RFX6: variants seen among roughly 807,000 people sequenced by gnomAD.
RFX6 encodes the protein regulatory factor X6, also known as DNA-binding protein RFX6.
In RFX6, 50 loss-of-function variants were observed where a neutral mutation model predicts 110.8. The observed-to-expected ratio is 0.45, with a 90% CI of 0.36 to 0.57. The LOEUF is 0.57. Among genes scored for constraint, RFX6 ranks in the 20% least tolerant of loss-of-function variants. The pLI is 0.00. For missense variants in RFX6, 990 were observed against 1,127.0 expected, an observed-to-expected ratio of 0.88 and a Z score of 1.74; for synonymous variants, 383 against 411.2, an observed-to-expected ratio of 0.93 and a Z score of 0.83.
intron 2 of RFX6, 54 bp from the exon 3 acceptor site, chr6:116,880,490 G>A: frequency 1.3e-6 from 2 of 1,550,498 alleles, no homozygotes; most frequent in Non-Finnish European, 1.8e-6. Flanking sequence ...CAATGAGAAA[G>A]TTGAAGGAAA....
intron 6 of RFX6, among the ~76,000 whole-genome samples, chr6:116,904,110 T>A (rs1373316061): frequency 6.6e-6 from 1 of 152,082 alleles, no homozygotes; most frequent in Non-Finnish European, 1.5e-5. Context: ...AAATCATGTC[T>A]GTGTTTTTTA....
rs182745394 is a variant in RFX6, at chr6:116,923,475, C to T, written c.1555+251C>T. 1.7e-4 allele frequency: 86 copies of T among 495,704 alleles called. No homozygotes were observed. The East Asian group carries it at 2.3e-3, about 13-fold the overall frequency. The allele number at this position is 495,704 out of a possible 1,614,324, so 30.7% of individuals were successfully genotyped here. A position where few individuals can be genotyped will look rare whatever the true frequency, so the allele number is the denominator to read the frequency against. On this transcript the variant is annotated intron_variant, in intron 14 of 18. Transcript: ENST00000332958. ...TGAAGAAGGGGAAGAATATTCTCTT[C>T]GAAGGGTTGTATAGGTACTTTGGTG...
At chr6:116,878,096 T>G in intron 2 of RFX6, 144 bp downstream of exon 2, 2 of 848,930 alleles carry the variant, frequency 2.4e-6, no homozygotes, top group Middle Eastern at 3.4e-4. Context: ...AACCCAGAAT[T>G]TTTTTCACTG....
intron 16 of RFX6, 113 bp from the exon 17 acceptor site, chr6:116,926,914 A>T: frequency 2.0e-6 from 2 of 1,019,534 alleles, no homozygotes; most frequent in Non-Finnish European, 1.5e-6. Context: ...GGAGGGCAGG[A>T]ATGAAGCAAG....
Position 116,893,154 on chromosome 6 carries a change from T to C in RFX6, c.567-833T>C, listed in dbSNP as rs375882109. 2.6e-5 allele frequency among the ~76,000 whole-genome samples: 4 copies of C among 152,256 alleles called. No individual in the cohort carries two copies. The South Asian group carries it at 8.3e-4, about 32-fold the overall frequency. ...GTAAACAGTAGGTAGTGGTGCTTTA[T>C]GGGGGATGGATGGTGGAGAGTGGAG... On this transcript the variant is annotated intron_variant, in intron 4 of 18. Coordinates refer to ENST00000332958, the MANE Select transcript of RFX6 (RefSeq NM_173560.4).
At position 116,902,189 on chromosome 6, in the gene RFX6, A is replaced by T. The variant is rs536650365; in HGVS notation, c.672+6982A>T. ...ATTTTTTAATGTTTGAGTAGAAATGATCTAAACCAAGCCCAGAACACTATT... is the reference window on the plus strand; with the variant it reads ...ATTTTTTAATGTTTGAGTAGAAATGTTCTAAACCAAGCCCAGAACACTATT... On this transcript the variant is annotated intron_variant, in intron 6 of 18. Coordinates refer to ENST00000332958, the MANE Select transcript of RFX6 (RefSeq NM_173560.4). Among the ~76,000 whole-genome samples the T allele has an allele frequency of 7.2e-5, 11 of 152,184 alleles. No homozygotes were observed. In the East Asian group the frequency reaches 1.2e-3, roughly 16 times the overall value.
At chr6:116,928,062 C>A (rs1775788933) in intron 17 of RFX6, among the ~76,000 whole-genome samples, 1 of 140,022 alleles carries the variant, frequency 7.1e-6, no homozygotes, top group African/African-American at 2.7e-5. Flanking sequence ...AAGCTGTCCT[C>A]CTAAATACCG....
At chr6:116,926,326 C>T (rs1390300929) in intron 16 of RFX6, among the ~76,000 whole-genome samples, 1 of 152,092 alleles carries the variant, frequency 6.6e-6, no homozygotes, top group Non-Finnish European at 1.5e-5. Context: ...TGGATTCGGC[C>T]ATTTTAGGAT....
intron 9 of RFX6, among the ~76,000 whole-genome samples, chr6:116,916,699 A>G (rs1296232241): frequency 6.6e-6 from 1 of 152,108 alleles, no homozygotes; most frequent in Non-Finnish European, 1.5e-5. Flanking sequence ...TATGAGATTA[A>G]TAACTTGAAA....
chr6:116,878,804 A>G (rs1774524517), intron 2 of RFX6, among the ~76,000 whole-genome samples: 2 of 151,984 alleles, frequency 1.3e-5, no homozygotes, highest in South Asian at 2.1e-4. Flanking sequence ...AAAATACAAG[A>G]TAAAGAACTA....
chr6:116,911,807 T>C (rs1046693458), intron 7 of RFX6, among the ~76,000 whole-genome samples: 3 of 152,186 alleles, frequency 2.0e-5, no homozygotes, highest in African/African-American at 7.2e-5. Flanking sequence ...TTCGTATTTC[T>C]GAGGTACAAA....
Position 116,924,717 on chromosome 6 carries a change from C to A in RFX6, c.1604C>A (p.Ala535Asp), listed in dbSNP as rs2114701294. Reference sequence around the variant, plus strand: ...CTTCTCGATGAATACATTCTCCTGGCCATGGAGACCCAGTTTAATAATGAC... The same window carrying A: ...CTTCTCGATGAATACATTCTCCTGGACATGGAGACCCAGTTTAATAATGAC... Reference protein sequence around the residue: ...RMLLDEYILLAMETQFNNDKE... With the variant: ...RMLLDEYILLDMETQFNNDKE... The change falls in exon 15 of 19, where the codon GCC becomes GAC. Residue 535 changes from alanine (A) to aspartate (D), a missense_variant. Physicochemically the swap from Ala to Asp is moderately radical, Grantham distance 126. Transcript: ENST00000332958. 1 of 1,598,876 alleles carries A rather than the reference C, an allele frequency of 6.3e-7. No individual in the cohort carries two copies. The highest frequency in any genetic ancestry group is 8.6e-7 in the Non-Finnish European group (1 of 1,166,158).
chr6:116,922,030 T>G lies in RFX6; in HGVS notation c.1328-12T>G. The stretch of plus-strand genomic sequence containing the variant: ...TTTTCTTTTCTTTCTTTTTTTTTTT[T>G]TTCCTGGGTAGATGACTCTATCACT... On this transcript the variant is annotated splice_polypyrimidine_tract_variant and intron_variant, in intron 12 of 18. Coordinates refer to ENST00000332958, the MANE Select transcript of RFX6 (RefSeq NM_173560.4). 8.5e-7 allele frequency: 1 copy of G among 1,177,886 alleles called. No individual in the cohort carries two copies. The highest frequency in any genetic ancestry group is 1.8e-5 in the Admixed American group (1 of 55,904). The allele number at this position is 1,177,886 out of a possible 1,614,324, so 73.0% of individuals were successfully genotyped here.
At chr6:116,918,605 A>AAAG (rs1775525071) in intron 10 of RFX6, among the ~76,000 whole-genome samples, 1 of 151,656 alleles carries the variant, frequency 6.6e-6, no homozygotes, top group Non-Finnish European at 1.5e-5. Flanking sequence ...ATTCTGAAAA[A>AAAG]AAAAAGCCAA....
At chr6:116,915,613 T>C (rs1247156494) in intron 7 of RFX6, among the ~76,000 whole-genome samples, 1 of 152,156 alleles carries the variant, frequency 6.6e-6, no homozygotes, top group Non-Finnish European at 1.5e-5. Flanking sequence ...TTTACTACTT[T>C]ATGTTTATTT....
At chr6:116,881,302 A>T (rs1041273783) in intron 3 of RFX6, among the ~76,000 whole-genome samples, 3 of 152,036 alleles carry the variant, frequency 2.0e-5, no homozygotes, top group Non-Finnish European at 4.4e-5. Context: ...TTGTTCTTTA[A>T]GATTCATGTC....
In RFX6 at chr6:116,900,603, A is replaced by T. The variant is rs182986524; in HGVS notation, c.672+5396A>T. Among the ~76,000 whole-genome samples the T allele has an allele frequency of 2.8e-3, 420 of 152,148 alleles. 3 individuals are homozygous for T. Among genetic ancestry groups the T allele is most frequent in the African/African-American group, 9.6e-3 (398 of 41,562 alleles). On this transcript the variant is annotated intron_variant, in intron 6 of 18. Coordinates refer to ENST00000332958, the MANE Select transcript of RFX6 (RefSeq NM_173560.4). ...TGAAATCTATTTTTATTTAAAAAAAATTTTTATTTCACTATGAAATAAAAA... is the reference window on the plus strand; with the variant it reads ...TGAAATCTATTTTTATTTAAAAAAATTTTTTATTTCACTATGAAATAAAAA...
At chr6:116,883,035 G>A (rs369290211) in intron 4 of RFX6, among the ~76,000 whole-genome samples, 2 of 152,060 alleles carry the variant, frequency 1.3e-5, no homozygotes, top group African/African-American at 4.8e-5. Flanking sequence ...TTTTCTATGC[G>A]TACTGTGTTT....
intron 3 of RFX6, among the ~76,000 whole-genome samples, chr6:116,881,923 T>C (rs769775373): frequency 1.9e-4 from 29 of 152,148 alleles, no homozygotes; most frequent in Non-Finnish European, 3.4e-4. Flanking sequence ...GAAAGGAACA[T>C]ACAAAACAAA....
Sources: allele counts gnomAD v4.1 joint callset (sites outside exome capture counted in the v4.1 genomes callset), GRCh38; gene constraint gnomAD v4.1.1; transcripts MANE v1.5; gene names NCBI Gene and HGNC (gene_info 2026-07-23, HGNC 2026-07-21).